Variants in CNTN5 observed in about 807,000 individuals in gnomAD.
CNTN5 encodes contactin 5, also known as contactin-5.
In CNTN5, 77 loss-of-function variants were observed where a neutral mutation model predicts 129.1. That is an observed-to-expected ratio of 0.60 (90% confidence interval 0.50 to 0.72). The LOEUF (loss-of-function observed/expected upper bound fraction) is 0.72. Ranked by LOEUF, CNTN5 falls within the 30% of genes least tolerant of loss-of-function variation. CNTN5 has a pLI of 0.00. For synonymous variants in CNTN5, 509 were observed against 465.6 expected (o/e 1.09, Z -1.20); for missense variants, 1,478 against 1,328.8 (o/e 1.11, Z -1.75).
intron 3 of CNTN5, among the ~76,000 whole-genome samples, chr11:99,718,218 T>G (rs768503991): frequency 5.9e-5 from 9 of 152,182 alleles, no homozygotes; most frequent in African/African-American, 9.6e-5. Flanking sequence ...CTATTATGTG[T>G]TCACTAATAC....
chr11:99,753,542 G>T (rs1352474473), intron 3 of CNTN5, among the ~76,000 whole-genome samples: 2 of 149,912 alleles, frequency 1.3e-5, no homozygotes, highest in Non-Finnish European at 3.0e-5. Context: ...ACATTATCAG[G>T]ATCTCCTTTG....
intron 13 of CNTN5, among the ~76,000 whole-genome samples, chr11:100,146,316 C>T (rs11222969): frequency 0.16 from 24,884 of 152,070 alleles, 2,365 homozygotes; most frequent in African/African-American, 0.26. Context: ...AAGATCTTTA[C>T]TTTCTTCCGT....
chr11:100,118,027 AGTT>A (rs1159894865), intron 13 of CNTN5, among the ~76,000 whole-genome samples: 1 of 151,150 alleles, frequency 6.6e-6, no homozygotes, highest in Admixed American at 6.6e-5. Flanking sequence ...TTAACCTCGC[AGTT>A]GTTTTTTTTT....
At chr11:100,168,663 T>C (rs1026039590) in intron 13 of CNTN5, among the ~76,000 whole-genome samples, 3 of 152,034 alleles carry the variant, frequency 2.0e-5, no homozygotes, top group African/African-American at 7.2e-5. Flanking sequence ...GAAATTAATG[T>C]GTTTTTCATG....
intron 8 of CNTN5, among the ~76,000 whole-genome samples, chr11:99,990,479 C>CACAT (rs1939005994): frequency 6.6e-6 from 1 of 151,618 alleles, no homozygotes; most frequent in Admixed American, 6.6e-5. Flanking sequence ...CACACACACA[C>CACAT]ACACATACAT....
At chr11:100,091,440 T>C (rs1944781190) in intron 13 of CNTN5, among the ~76,000 whole-genome samples, 1 of 125,404 alleles carries the variant, frequency 8.0e-6, no homozygotes, top group Non-Finnish European at 1.8e-5. Context: ...TTTTTTTTTT[T>C]TTTTTTGAGA....
At chr11:99,912,450 C>T (rs1378153529) in intron 6 of CNTN5, among the ~76,000 whole-genome samples, 2 of 151,720 alleles carry the variant, frequency 1.3e-5, no homozygotes, top group Non-Finnish European at 2.9e-5. Context: ...ATATGTATAT[C>T]CTTTACAGTT....
chr11:99,172,825 A>T (rs1214601587), intron 1 of CNTN5, among the ~76,000 whole-genome samples: 1 of 152,206 alleles, frequency 6.6e-6, no homozygotes, highest in Non-Finnish European at 1.5e-5. Context: ...ATTTGTTTCC[A>T]TCATGAGCCA....
At chr11:100,250,223 T>C (rs1001111783) in intron 16 of CNTN5, among the ~76,000 whole-genome samples, 4 of 152,078 alleles carry the variant, frequency 2.6e-5, no homozygotes, top group African/African-American at 9.7e-5. Context: ...AAAAACCCTG[T>C]TAACCCAAAT....
At chr11:100,227,848 A>C (rs1467789065) in intron 16 of CNTN5, among the ~76,000 whole-genome samples, 2 of 152,186 alleles carry the variant, frequency 1.3e-5, no homozygotes, top group Admixed American at 6.5e-5. Context: ...CTATTAAGGA[A>C]AGGGAGGTAG....
At chr11:100,301,167 T>G (rs1192037914) in intron 20 of CNTN5, among the ~76,000 whole-genome samples, 1 of 151,642 alleles carries the variant, frequency 6.6e-6, no homozygotes, top group African/African-American at 2.4e-5. Context: ...AAAGTACATA[T>G]TCTTTTTCCT....
At chr11:99,463,150 T>TA (rs1409540156) in intron 2 of CNTN5, among the ~76,000 whole-genome samples, 1 of 40,518 alleles carries the variant, frequency 2.5e-5, no homozygotes, top group Non-Finnish European at 6.3e-5. Context: ...TAAATAAAAG[T>TA]AAAAAAGTCC....
chr11:99,123,655 T>A (rs772741328), intron 1 of CNTN5, among the ~76,000 whole-genome samples: 1 of 43,822 alleles, frequency 2.3e-5, no homozygotes, highest in Non-Finnish European at 5.1e-5. Context: ...TCTTCCAGGG[T>A]TTTTTTTTTT....
At chr11:100,293,776 C>A (rs557597322) in intron 18 of CNTN5, among the ~76,000 whole-genome samples, 38 of 151,690 alleles carry the variant, frequency 2.5e-4, no homozygotes, top group Non-Finnish European at 4.9e-4. Flanking sequence ...TTTGTACATA[C>A]CACTTTATCT....
At chr11:100,048,638 C>T (rs1942808203) in intron 9 of CNTN5, among the ~76,000 whole-genome samples, 1 of 151,560 alleles carries the variant, frequency 6.6e-6, no homozygotes, top group South Asian at 2.1e-4. Context: ...TGAATTTGAA[C>T]ATAGAGCATT....
At chr11:99,556,408 C>T (rs971865035) in intron 3 of CNTN5, 139 bp downstream of exon 3, 2 of 482,706 alleles carry the variant, frequency 4.1e-6, no homozygotes, top group African/African-American at 2.0e-5. Context: ...AAGAGAAAGG[C>T]AGCAACCCTT....
intron 9 of CNTN5, among the ~76,000 whole-genome samples, chr11:100,028,207 A>G (rs966707263): frequency 5.3e-5 from 8 of 152,316 alleles, no homozygotes; most frequent in Non-Finnish European, 1.2e-4. Flanking sequence ...TAAAAAAAAA[A>G]TCTGCTGGAT....
chr11:100,161,830 T>C (rs981097689), intron 13 of CNTN5, among the ~76,000 whole-genome samples: 6 of 125,834 alleles, frequency 4.8e-5, no homozygotes, highest in Non-Finnish European at 6.5e-5. Flanking sequence ...TGGAGCTTCC[T>C]ACACACACAC....
At chr11:100,049,432 AAAT>A (rs1942847573) in intron 9 of CNTN5, among the ~76,000 whole-genome samples, 1 of 152,136 alleles carries the variant, frequency 6.6e-6, no homozygotes, top group African/African-American at 2.4e-5. Flanking sequence ...AAACTAATAA[AAAT>A]AAGACAAGAG....
Sources: gnomAD v4.1 joint callset for allele counts (sites outside exome capture counted in the v4.1 genomes callset) on GRCh38, gnomAD v4.1.1 for gene constraint, MANE v1.5 for transcripts, NCBI Gene and HGNC (gene_info 2026-07-23, HGNC 2026-07-21) for gene names.